The following SLC4A10 variants were observed in gnomAD, a reference collection of about 807,000 sequenced individuals.
SLC4A10 encodes sodium-driven chloride bicarbonate exchanger.
SLC4A10 carries 42 observed loss-of-function variants against 137.7 expected under a neutral mutation model. That is an observed-to-expected ratio of 0.30 (90% confidence interval 0.24 to 0.39). The LOEUF is 0.39. Among genes scored for constraint, SLC4A10 ranks in the 10% least tolerant of loss-of-function variants. The probability of loss-of-function intolerance (pLI) is 1.00; values close to 1 mark genes in which losing one functional copy is unlikely to be tolerated. For missense variants in SLC4A10, 925 were observed against 1,355.0 expected (o/e 0.68, Z 4.98); for synonymous variants, 474 against 464.1 (o/e 1.02, Z -0.27).
chr2:161,839,334 G>A (rs904960340), intron 3 of SLC4A10, among the ~76,000 whole-genome samples: 1 of 152,126 alleles, frequency 6.6e-6, no homozygotes, highest in African/African-American at 2.4e-5. Context: ...CTACAAAGGA[G>A]GATCACAAGG....
intron 1 of SLC4A10, among the ~76,000 whole-genome samples, chr2:161,652,990 A>G (rs971039376): frequency 6.6e-6 from 1 of 151,890 alleles, no homozygotes; most frequent in South Asian, 2.1e-4. Context: ...TCCTAATGCT[A>G]TCCCTCCCCT....
At chr2:161,960,132 G>A (rs1397279939) in intron 21 of SLC4A10, among the ~76,000 whole-genome samples, 7 of 152,062 alleles carry the variant, frequency 4.6e-5, no homozygotes, top group Admixed American at 2.6e-4. Context: ...TTGGGAAGCC[G>A]AGGTGGGCGG....
At chr2:161,805,168 TTA>T (rs2055804104) in intron 3 of SLC4A10, among the ~76,000 whole-genome samples, 2 of 152,120 alleles carry the variant, frequency 1.3e-5, no homozygotes, top group South Asian at 4.1e-4. Context: ...AAACTCCCCC[TTA>T]TAATAACTAT....
chr2:161,831,677 A>G (rs1186151311), intron 3 of SLC4A10, among the ~76,000 whole-genome samples: 1 of 152,170 alleles, frequency 6.6e-6, no homozygotes, highest in Admixed American at 6.5e-5. Context: ...TATAATGAAA[A>G]AGGAAATAAT....
chr2:161,720,092 C>A (rs1452063278), intron 1 of SLC4A10, among the ~76,000 whole-genome samples: 3 of 152,182 alleles, frequency 2.0e-5, no homozygotes, highest in Non-Finnish European at 4.4e-5. Flanking sequence ...GGAAGGGATC[C>A]AGTTTCAACT....
At chr2:161,965,303 T>C (rs1178553623) in intron 23 of SLC4A10, 130 bp downstream of exon 23, 2 of 835,510 alleles carry the variant, frequency 2.4e-6, no homozygotes, top group Non-Finnish European at 3.5e-6. Context: ...CAACCACAAG[T>C]AGACTAGTTT....
intron 7 of SLC4A10, among the ~76,000 whole-genome samples, chr2:161,873,356 A>C (rs923190091): frequency 8.6e-5 from 13 of 151,826 alleles, no homozygotes; most frequent in Non-Finnish European, 1.8e-4. Context: ...ATGGCAAAGT[A>C]ACAATTGAGT....
chr2:161,719,352 C>T (rs1407584256), intron 1 of SLC4A10, among the ~76,000 whole-genome samples: 1 of 152,086 alleles, frequency 6.6e-6, no homozygotes, highest in East Asian at 1.9e-4. Context: ...TGAATAGAGC[C>T]ACAATAAACA....
chr2:161,639,145 C>T (rs1417019928), intron 1 of SLC4A10, among the ~76,000 whole-genome samples: 3 of 151,990 alleles, frequency 2.0e-5, no homozygotes, highest in African/African-American at 7.2e-5. Context: ...TAAAAAGTCT[C>T]CCATCAAAGA....
At chr2:161,950,904 T>C in intron 19 of SLC4A10, 56 bp downstream of exon 19, 1 of 1,370,712 alleles carries the variant, frequency 7.3e-7, no homozygotes, top group South Asian at 1.4e-5. Flanking sequence ...TATCAACTGA[T>C]GTTCATTTGA....
chr2:161,776,345 C>T (rs184892780), intron 2 of SLC4A10, among the ~76,000 whole-genome samples: 5 of 152,004 alleles, frequency 3.3e-5, no homozygotes, highest in Admixed American at 1.3e-4. Flanking sequence ...ACTTGCTATA[C>T]AAACAATAAC....
intron 7 of SLC4A10, among the ~76,000 whole-genome samples, chr2:161,873,530 CAAAAAAAAAA>C (rs759717096): frequency 8.1e-3 from 141 of 17,332 alleles, no homozygotes; most frequent in African/African-American, 0.032. Context: ...GACCACATCT[CAAAAAAAAAA>C]AAAAAAAAAA....
chr2:161,924,480 C>A (rs1409728140), intron 15 of SLC4A10, among the ~76,000 whole-genome samples: 2 of 151,966 alleles, frequency 1.3e-5, no homozygotes, highest in African/African-American at 4.8e-5. Context: ...TACATGATAT[C>A]TGTGATTTTA....
chr2:161,647,896 A>G (rs900021722), intron 1 of SLC4A10, among the ~76,000 whole-genome samples: 4 of 152,182 alleles, frequency 2.6e-5, no homozygotes, highest in Non-Finnish European at 5.9e-5. Flanking sequence ...CACTACTAGT[A>G]CTCGCTGCAG....
chr2:161,787,160 T>C (rs989623184), intron 2 of SLC4A10, among the ~76,000 whole-genome samples: 5 of 152,140 alleles, frequency 3.3e-5, no homozygotes, highest in Admixed American at 2.0e-4. Context: ...AAAGACTTTA[T>C]TTCTCCTTTG....
intron 1 of SLC4A10, among the ~76,000 whole-genome samples, chr2:161,701,736 C>A (rs1401640462): frequency 6.6e-6 from 1 of 151,746 alleles, no homozygotes; most frequent in African/African-American, 2.4e-5. Context: ...CTTCCTTTTA[C>A]CCTTCCTAGC....
chr2:161,890,395 A>T (rs1163147765), intron 10 of SLC4A10, among the ~76,000 whole-genome samples: 2 of 152,116 alleles, frequency 1.3e-5, no homozygotes, highest in Admixed American at 1.3e-4. Flanking sequence ...AGGGTGTTAA[A>T]GTCTCCCACT....
intron 6 of SLC4A10, among the ~76,000 whole-genome samples, chr2:161,867,100 A>G (rs2060807522): frequency 6.6e-6 from 1 of 151,942 alleles, no homozygotes; most frequent in African/African-American, 2.4e-5. Flanking sequence ...AAGCAGTTAG[A>G]TTTGGGAGCC....
chr2:161,659,258 A>C (rs1045104555), intron 1 of SLC4A10, among the ~76,000 whole-genome samples: 4 of 152,196 alleles, frequency 2.6e-5, no homozygotes, highest in African/African-American at 9.7e-5. Flanking sequence ...TTGAAGCAAC[A>C]TGGATGGAAT....
Sources: gnomAD v4.1 joint callset for allele counts (sites outside exome capture counted in the v4.1 genomes callset) on GRCh38, gnomAD v4.1.1 for gene constraint, MANE v1.5 for transcripts, NCBI Gene and HGNC (gene_info 2026-07-23, HGNC 2026-07-21) for gene names.